KDM6A: variants seen among roughly 807,000 people sequenced by gnomAD.
KDM6A encodes lysine demethylase 6A, also known as lysine-specific demethylase 6A.
A neutral mutation model predicts 117.6 loss-of-function variants in KDM6A; 11 were observed. The observed-to-expected ratio is 0.09, with a 90% CI of 0.06 to 0.15. The LOEUF (loss-of-function observed/expected upper bound fraction) is 0.15, where lower values mean the gene tolerates loss of function less well. Ranked by LOEUF, KDM6A falls within the 10% of genes least tolerant of loss-of-function variation. KDM6A has a pLI of 1.00. For synonymous variants in KDM6A, 384 were observed against 396.1 expected, an observed-to-expected ratio of 0.97 and a Z score of 0.36; for missense variants, 799 against 1,077.3, an observed-to-expected ratio of 0.74 and a Z score of 3.62.
At chrX:45,041,197 G>A (rs1322700942) in intron 8 of KDM6A, among the ~76,000 whole-genome samples, 2 of 84,437 alleles carry the variant, frequency 2.4e-5, no homozygotes, top group Non-Finnish European at 4.4e-5. Flanking sequence ...CCCCCCTCCC[G>A]GACGGGGCGG....
Position 44,958,181 on chromosome X carries a change from A to ATT in KDM6A, c.226-3086_226-3085dup, listed in dbSNP as rs35278318. ...GGAAAGCATAATAATTCTTTAATGA[A>ATT]TTTTTTTTTTTTTTTTTTGAGGCTG... On this transcript the variant is annotated intron_variant, in intron 2 of 29. Transcript: ENST00000611820. Among the ~76,000 whole-genome samples the ATT allele has an allele frequency of 4.1e-3, 404 of 97,457 alleles. 6 individuals are homozygous for ATT. Among genetic ancestry groups the ATT allele is most frequent in the African/African-American group, 0.015 (383 of 25,667 alleles). The allele number at this position is 97,457 out of a possible 115,157, so 84.6% of individuals were successfully genotyped here. A position where few individuals can be genotyped will look rare whatever the true frequency, so the allele number is the denominator to read the frequency against.
At chrX:44,929,673 A>T (rs2036515869) in intron 2 of KDM6A, among the ~76,000 whole-genome samples, 1 of 111,518 alleles carries the variant, frequency 9.0e-6, no homozygotes, top group Non-Finnish European at 1.9e-5. Flanking sequence ...GAGTGGTTGG[A>T]TTGTATGGTG....
Position 45,063,600 on chromosome X carries a change from A to G in KDM6A, c.1862A>G (p.Asn621Ser), listed in dbSNP as rs757754192. 6 of 1,209,586 alleles carry G rather than the reference A, an allele frequency of 5.0e-6. No individual in the cohort carries two copies. Among genetic ancestry groups the G allele is most frequent in the East Asian group, 3.0e-5 (1 of 33,753 alleles). ...RPACPGQPLA[N>S]GPFSAGHVPC... Reference sequence around the variant, plus strand: ...GCCTGCCCTGGGCAGCCTTTGGCCAATGGACCCTTTTCTGCAGGCCATGTT... The same window carrying G: ...GCCTGCCCTGGGCAGCCTTTGGCCAGTGGACCCTTTTCTGCAGGCCATGTT... Residue 621 changes from asparagine (N) to serine (S), a missense_variant, in exon 17 of 30, where the codon AAT becomes AGT. Asn to Ser is a conservative substitution (Grantham distance 46). Coordinates refer to ENST00000611820, the MANE Select transcript of KDM6A (RefSeq NM_001291415.2).
chrX:44,916,336 G>C (rs1246474684), intron 2 of KDM6A, among the ~76,000 whole-genome samples: 1 of 110,560 alleles, frequency 9.0e-6, no homozygotes, highest in African/African-American at 3.3e-5. Context: ...AGGAATACTT[G>C]TGCCCTTATG....
At chrX:44,896,915 C>A (rs1463907896) in intron 2 of KDM6A, among the ~76,000 whole-genome samples, 1 of 108,906 alleles carries the variant, frequency 9.2e-6, no homozygotes, top group Non-Finnish European at 1.9e-5. Context: ...ATTTTTTTGT[C>A]TTTAGTTTTC....
intron 4 of KDM6A, among the ~76,000 whole-genome samples, chrX:45,003,321 A>G (rs1284726237): frequency 9.1e-6 from 1 of 110,083 alleles, no homozygotes; most frequent in Non-Finnish European, 1.9e-5. Flanking sequence ...TTGTACAGTA[A>G]TTAAGATTTA....
chrX:45,051,891 T>G, intron 9 of KDM6A, 89 bp downstream of exon 9: 1 of 527,057 alleles, frequency 1.9e-6, no homozygotes, highest in Admixed American at 3.1e-5. Context: ...GCTCATATAT[T>G]CTATTCCTTT....
intron 27 of KDM6A, among the ~76,000 whole-genome samples, chrX:45,099,433 C>A (rs2046245498): frequency 9.1e-6 from 1 of 110,280 alleles, no homozygotes; most frequent in South Asian, 3.8e-4. Context: ...TTGAAGACAG[C>A]AGACCTTTGT....
chrX:44,960,424 C>T, intron 2 of KDM6A, among the ~76,000 whole-genome samples: 1 of 111,355 alleles, frequency 9.0e-6, no homozygotes. Context: ...CAATTAAGTA[C>T]CTATTGTGTC....
At chrX:44,906,797 G>T (rs2034702202) in intron 2 of KDM6A, among the ~76,000 whole-genome samples, 1 of 111,648 alleles carries the variant, frequency 9.0e-6, no homozygotes, top group South Asian at 3.7e-4. Context: ...GGGATTATCG[G>T]CGTGAGCCAC....
chrX:44,925,371 C>T (rs189529161), intron 2 of KDM6A, among the ~76,000 whole-genome samples: 3 of 111,529 alleles, frequency 2.7e-5, no homozygotes, highest in African/African-American at 6.5e-5. Flanking sequence ...TCGTTTGTCT[C>T]TCCTCTCTCA....
rs768864882 is a variant in KDM6A at position 45,016,540 on chromosome X, G to A, written c.444-4070G>A. 6.3e-5 allele frequency among the ~76,000 whole-genome samples: 7 copies of A among 110,446 alleles called. 1 individual carries two copies. Among genetic ancestry groups the A allele is most frequent in the Admixed American group, 3.9e-4 (4 of 10,308 alleles). On this transcript the variant is annotated intron_variant, in intron 5 of 29. Transcript: ENST00000611820. ...ATTTGAGACAGAGTCTCACTCTGTCGCCAGGCTGGAGTGCAGTGGCACAAT... is the reference window on the plus strand; with the variant it reads ...ATTTGAGACAGAGTCTCACTCTGTCACCAGGCTGGAGTGCAGTGGCACAAT...
intron 2 of KDM6A, among the ~76,000 whole-genome samples, chrX:44,881,434 AAACAAAAAAC>A (rs2032281967): frequency 8.9e-6 from 1 of 112,061 alleles, no homozygotes; most frequent in Non-Finnish European, 1.9e-5. Context: ...ACCATCTCAA[AAACAAAAAAC>A]AACAAAAAAA....
intron 2 of KDM6A, among the ~76,000 whole-genome samples, chrX:44,908,244 G>T (rs1602141463): frequency 9.0e-6 from 1 of 111,296 alleles, no homozygotes; most frequent in East Asian, 2.8e-4. Flanking sequence ...GACCTGCTTT[G>T]TCTGTTGTTG....
chrX:45,109,249 A>C (rs1603064386), intron 28 of KDM6A, among the ~76,000 whole-genome samples: 1 of 111,216 alleles, frequency 9.0e-6, no homozygotes, highest in South Asian at 3.7e-4. Context: ...AAGGGAAAGA[A>C]TTCAAAAATA....
chrX:45,045,227 C>T lies in KDM6A; in HGVS notation c.655-6482C>T, dbSNP rs181725402. On this transcript the variant is annotated intron_variant, in intron 8 of 29. Coordinates refer to ENST00000611820, the MANE Select transcript of KDM6A (RefSeq NM_001291415.2). ...GGTAATAATTCCCCATTACTCCCTT[C>T]ACTGGGCTCCTAGCAGCCACTATTC... Among the ~76,000 whole-genome samples, 478 of 111,082 alleles carry T rather than the reference C, an allele frequency of 4.3e-3. 3 individuals carry two copies. Among genetic ancestry groups the T allele is most frequent in the Non-Finnish European group, 7.0e-3 (371 of 52,998 alleles).
At position 44,899,358 on chromosome X, in the gene KDM6A, G is replaced by A. The variant is rs187011492; in HGVS notation, c.225+25371G>A. On this transcript the variant is annotated intron_variant, in intron 2 of 29. Coordinates refer to ENST00000611820, the MANE Select transcript of KDM6A (RefSeq NM_001291415.2). ...TTTACCTGCTTCTGCTTTGTGGTGG[G>A]GGGTGTATGTGTTAGATTAGCTATA... is the stretch of plus-strand genomic sequence containing the variant. Among the ~76,000 whole-genome samples, 877 of 107,352 alleles carry A rather than the reference G, an allele frequency of 8.2e-3. 28 individuals are homozygous for A. The highest frequency in any genetic ancestry group is 0.077 in the Admixed American group (751 of 9,767). The allele number at this position is 107,352 out of a possible 115,157, so 93.2% of individuals were successfully genotyped here.
At chrX:45,003,338 G>C (rs183346444) in intron 4 of KDM6A, among the ~76,000 whole-genome samples, 1 of 107,286 alleles carries the variant, frequency 9.3e-6, no homozygotes, top group East Asian at 3.0e-4. Flanking sequence ...TTTAGATCCT[G>C]TTAGGAAACC....
chrX:44,950,602 G>GTT (rs1428165162), intron 2 of KDM6A, among the ~76,000 whole-genome samples: 1 of 110,581 alleles, frequency 9.0e-6, no homozygotes, highest in African/African-American at 3.3e-5. Context: ...GTGTGTGTGT[G>GTT]TCTGTGTGTG....
Sources: gnomAD v4.1 joint callset for allele counts (sites outside exome capture counted in the v4.1 genomes callset) on GRCh38, gnomAD v4.1.1 for gene constraint, MANE v1.5 for transcripts, NCBI Gene and HGNC (gene_info 2026-07-23, HGNC 2026-07-21) for gene names.